The following ANK2 variants were observed in gnomAD, a reference collection of about 807,000 sequenced individuals.
ANK2 encodes the protein ankyrin 2.
Under a neutral mutation model 360.5 loss-of-function variants are expected in ANK2, and 83 were observed. The ratio of observed to expected loss-of-function variants is 0.23; its 90% confidence interval spans 0.19 to 0.28. The LOEUF (loss-of-function observed/expected upper bound fraction) is 0.28. Ranked by LOEUF, ANK2 falls within the 10% of genes least tolerant of loss-of-function variation. ANK2 has a pLI of 1.00. For synonymous variants in ANK2, 1,740 were observed against 1,759.5 expected, an observed-to-expected ratio of 0.99 and a Z score of 0.28; for missense variants, 4,201 against 4,795.7, an observed-to-expected ratio of 0.88 and a Z score of 3.66.
chr4:113,016,559 A>G (rs760184123), intron 2 of ANK2, among the ~76,000 whole-genome samples: 2 of 152,252 alleles, frequency 1.3e-5, no homozygotes, highest in South Asian at 2.1e-4. Flanking sequence ...AGCCTTGCAT[A>G]GGGCTAAAAA....
chr4:113,105,882 A>T (rs2093566013), intron 1 of ANK2, among the ~76,000 whole-genome samples: 1 of 152,236 alleles, frequency 6.6e-6, no homozygotes, highest in African/African-American at 2.4e-5. Flanking sequence ...GAAATTCGTT[A>T]TACATATTTT....
intron 41 of ANK2, among the ~76,000 whole-genome samples, chr4:113,365,649 A>G (rs946581203): frequency 6.7e-6 from 1 of 148,442 alleles, no homozygotes; most frequent in South Asian, 2.1e-4. Flanking sequence ...ATTCTCATTC[A>G]TTTGTGGTCT....
chr4:113,190,047 C>T (rs1006461253), intron 2 of ANK2, among the ~76,000 whole-genome samples: 1 of 152,056 alleles, frequency 6.6e-6, no homozygotes, highest in African/African-American at 2.4e-5. Flanking sequence ...TACTTGTCAT[C>T]TGATCTTAGA....
At position 113,315,667 on chromosome 4, in the gene ANK2, G is replaced by T. The variant is rs904436102; in HGVS notation, c.2694-2040G>T. On this transcript the variant is annotated intron_variant, in intron 24 of 45. Coordinates refer to ENST00000357077, the MANE Select transcript of ANK2 (RefSeq NM_001148.6). ...TAATCCCAGCACTTTGGGAGGCCAA[G>T]GTGGGCGGATCACGAGGTCAGGAGA... 2.6e-5 allele frequency among the ~76,000 whole-genome samples: 4 copies of T among 152,262 alleles called. No homozygotes were observed. In the South Asian group the frequency reaches 8.3e-4, roughly 32 times the overall value.
intron 2 of ANK2, among the ~76,000 whole-genome samples, chr4:113,188,875 G>A (rs191396483): frequency 1.9e-3 from 287 of 152,218 alleles, no homozygotes; most frequent in Non-Finnish European, 3.3e-3. Context: ...GCACTGACTT[G>A]CATTTGCTGA....
chr4:112,784,077 C>T, the ANK2 span, among the ~76,000 whole-genome samples: 1 of 152,132 alleles, frequency 6.6e-6, no homozygotes, highest in South Asian at 2.1e-4. Flanking sequence ...TAAACTCTAC[C>T]TACTGATGGA....
the ANK2 span, among the ~76,000 whole-genome samples, chr4:112,782,604 C>T: frequency 8.8e-3 from 1,335 of 152,064 alleles, 12 homozygotes; most frequent in African/African-American, 0.031. Context: ...CGGTGGCTCA[C>T]GCCTGTAATT....
intron 1 of ANK2, among the ~76,000 whole-genome samples, chr4:112,894,644 G>A (rs2081205107): frequency 6.6e-6 from 1 of 152,108 alleles, no homozygotes; most frequent in African/African-American, 2.4e-5. Flanking sequence ...GCAAATACTC[G>A]AAGATCCATG....
intron 1 of ANK2, chr4:112,880,810 T>A (rs2076496410): frequency 6.6e-6 from 1 of 152,222 alleles, no homozygotes; most frequent in Non-Finnish European, 1.5e-5. Flanking sequence ...CAGAGATGAA[T>A]GGAATTAGGA....
At chr4:113,245,374 C>T (rs931599493) in intron 9 of ANK2, among the ~76,000 whole-genome samples, 1 of 152,138 alleles carries the variant, frequency 6.6e-6, no homozygotes, top group African/African-American at 2.4e-5. Context: ...AATTAGTTCT[C>T]ATGCTGCTAT....
intron 26 of ANK2, among the ~76,000 whole-genome samples, chr4:113,323,264 T>TA (rs2087490150): frequency 6.6e-6 from 1 of 152,220 alleles, no homozygotes; most frequent in African/African-American, 2.4e-5. Flanking sequence ...TGATATTACC[T>TA]ACCCCGCTTT....
intron 18 of ANK2, among the ~76,000 whole-genome samples, chr4:113,286,864 A>G (rs920161728): frequency 4.6e-5 from 7 of 152,226 alleles, no homozygotes; most frequent in South Asian, 4.1e-4. Flanking sequence ...AACATACTCA[A>G]GAAAACACCC....
chr4:112,737,096 T>C, the ANK2 span, among the ~76,000 whole-genome samples: 1 of 152,230 alleles, frequency 6.6e-6, no homozygotes, highest in Non-Finnish European at 1.5e-5. Context: ...GCCTGGTTAC[T>C]TCCTCTCTAA....
chr4:113,005,521 G>A (rs1283309319), intron 2 of ANK2, among the ~76,000 whole-genome samples: 3 of 152,074 alleles, frequency 2.0e-5, no homozygotes, highest in African/African-American at 4.8e-5. Flanking sequence ...TCATATGTAC[G>A]AGCTAAAACA....
chr4:112,885,654 G>A (rs996505081), intron 1 of ANK2, among the ~76,000 whole-genome samples: 1 of 151,456 alleles, frequency 6.6e-6, no homozygotes, highest in Admixed American at 6.6e-5. Flanking sequence ...AAAATTAGCC[G>A]GGCGTGGTGG....
At chr4:112,770,395 A>G in the ANK2 span, among the ~76,000 whole-genome samples, 1 of 152,062 alleles carries the variant, frequency 6.6e-6, no homozygotes, top group African/African-American at 2.4e-5. Context: ...TTTACATTTC[A>G]TTAGTGGTTA....
At chr4:112,967,378 T>C (rs1041109589) in intron 2 of ANK2, among the ~76,000 whole-genome samples, 13 of 152,238 alleles carry the variant, frequency 8.5e-5, no homozygotes, top group African/African-American at 2.7e-4. Flanking sequence ...TACATAATCA[T>C]GTGCCAGAGC....
intron 1 of ANK2, among the ~76,000 whole-genome samples, chr4:113,095,303 A>G (rs1241030486): frequency 6.6e-6 from 1 of 152,220 alleles, no homozygotes; most frequent in African/African-American, 2.4e-5. Flanking sequence ...TTCAGAATAT[A>G]TCTTTATTAT....
At chr4:112,904,816 A>G (rs1267182699) in intron 2 of ANK2, among the ~76,000 whole-genome samples, 2 of 152,290 alleles carry the variant, frequency 1.3e-5, no homozygotes, top group Middle Eastern at 3.4e-3. Context: ...TACAATAGAC[A>G]TAATAAACAC....
Sources: gnomAD v4.1 joint callset for allele counts (sites outside exome capture counted in the v4.1 genomes callset) on GRCh38, gnomAD v4.1.1 for gene constraint, MANE v1.5 for transcripts, NCBI Gene and HGNC (gene_info 2026-07-23, HGNC 2026-07-21) for gene names.